DNM1: variants seen among roughly 807,000 people sequenced by gnomAD.
The protein encoded by DNM1 is dynamin-1.
A neutral mutation model predicts 104.6 loss-of-function variants in DNM1; 29 were observed. The ratio of observed to expected loss-of-function variants is 0.28; its 90% confidence interval spans 0.21 to 0.38. The LOEUF is 0.38. Ranked by LOEUF, DNM1 falls within the 10% of genes least tolerant of loss-of-function variation. DNM1 has a pLI of 1.00. For missense variants in DNM1, 640 were observed against 1,189.4 expected (o/e 0.54, Z 6.79); for synonymous variants, 445 against 475.8 (o/e 0.94, Z 0.84).
intron 15 of DNM1, among the ~76,000 whole-genome samples, chr9:128,242,728 C>G (rs1042068217): frequency 2.0e-5 from 3 of 152,130 alleles, no homozygotes; most frequent in Non-Finnish European, 4.4e-5. Context: ...CCATTGCACT[C>G]CAGCCTGGGC....
chr9:128,213,742 G>T (rs78077958), intron 1 of DNM1, among the ~76,000 whole-genome samples: 1 of 152,098 alleles, frequency 6.6e-6, no homozygotes, highest in Non-Finnish European at 1.5e-5. Context: ...TGGTCAGTGC[G>T]GGTGTCCTGA....
At position 128,219,285 on chromosome 9, in the gene DNM1, C is replaced by T. The variant is rs779496005; in HGVS notation, c.589+33C>T. ...CCCACCCGGTGGCCAATGCACAAAA[C>T]CCCAGGCTTGCAGGCTGTCTATTCT... On this transcript the variant is annotated intron_variant, in intron 4 of 21. Coordinates refer to ENST00000372923, the MANE Select transcript of DNM1 (RefSeq NM_004408.4). 3 of 1,581,138 alleles carry T rather than the reference C, an allele frequency of 1.9e-6. No individual in the cohort carries two copies. In the African/African-American group the frequency reaches 4.0e-5, roughly 21 times the overall value.
intron 15 of DNM1, chr9:128,244,727 G>A (rs1836648900): frequency 1.9e-6 from 1 of 532,982 alleles, no homozygotes; most frequent in Non-Finnish European, 3.9e-6. Context: ...GGTGCCGAGG[G>A]TCTAACCCAG....
At chr9:128,228,047 T>G (rs1374023090) in intron 10 of DNM1, among the ~76,000 whole-genome samples, 6 of 151,964 alleles carry the variant, frequency 3.9e-5, no homozygotes, top group Non-Finnish European at 8.8e-5. Flanking sequence ...TTGTTTGTTT[T>G]TGGTTTTTTT....
Position 128,253,904 on chromosome 9 carries a change from C to A in DNM1, c.2535-750C>A. On this transcript the variant is annotated intron_variant, in intron 21 of 21. Coordinates refer to ENST00000372923, the MANE Select transcript of DNM1 (RefSeq NM_004408.4). This position sits in a 1 kb window ranked among gnomAD's most constrained non-coding sequence, Gnocchi z 5.9. ...TGCTCCTAGGGTCACTTGTGCCATTCAGCCAAGGGGACGACCGTGCCTGCT... is the reference window on the plus strand; with the variant it reads ...TGCTCCTAGGGTCACTTGTGCCATTAAGCCAAGGGGACGACCGTGCCTGCT... The A allele has an allele frequency of 8.1e-7, 1 of 1,230,900 alleles. No homozygotes were observed. Among genetic ancestry groups the A allele is most frequent in the Non-Finnish European group, 1.0e-6 (1 of 987,396 alleles). 76.2% of individuals were successfully genotyped at this position (1,230,900 alleles called of 1,614,324 possible). A position where few individuals can be genotyped will look rare whatever the true frequency, so the allele number is the denominator to read the frequency against.
intron 1 of DNM1, among the ~76,000 whole-genome samples, chr9:128,217,066 G>C (rs1013544584): frequency 2.6e-5 from 4 of 152,212 alleles, no homozygotes; most frequent in Admixed American, 6.5e-5. Context: ...ACCCACAAGA[G>C]TCAGCCAAAA....
chr9:128,236,883 G>T (rs556621177), intron 11 of DNM1, among the ~76,000 whole-genome samples: 65 of 152,258 alleles, frequency 4.3e-4, no homozygotes, highest in South Asian at 2.3e-3. Context: ...CCAGTTTAGT[G>T]TGTCACCTTG....
intron 1 of DNM1, among the ~76,000 whole-genome samples, chr9:128,209,949 G>A (rs770844537): frequency 1.3e-5 from 2 of 152,232 alleles, no homozygotes; most frequent in Non-Finnish European, 2.9e-5. Flanking sequence ...ACCCCTAAGT[G>A]TAAGTCTCAG....
rs568661377 is a variant in DNM1 at position 128,224,696 on chromosome 9, C to T, written c.1335+307C>T. On this transcript the variant is annotated intron_variant, in intron 10 of 21. Transcript: ENST00000372923. The surrounding 1 kb of genome is among the most constrained non-coding windows in gnomAD (Gnocchi z 4.3). ...GAATAGGGCTTGAGGGGACCCTGAGCCCCCTCCCTGTCCTCGGAGGTGTCA... is the reference window on the plus strand; with the variant it reads ...GAATAGGGCTTGAGGGGACCCTGAGTCCCCTCCCTGTCCTCGGAGGTGTCA... Among the ~76,000 whole-genome samples the T allele has an allele frequency of 1.3e-5, 2 of 152,060 alleles. No homozygotes were observed. Among genetic ancestry groups the T allele is most frequent in the African/African-American group, 2.4e-5 (1 of 41,472 alleles).
At position 128,245,210 on chromosome 9, in the gene DNM1, G is replaced by A. The variant is rs1836707845; in HGVS notation, c.1672-1184G>A. Among the ~76,000 whole-genome samples the A allele has an allele frequency of 6.6e-6, 1 of 152,052 alleles. No individual in the cohort carries two copies. The highest frequency in any genetic ancestry group is 2.4e-5 in the African/African-American group (1 of 41,388). The stretch of plus-strand genomic sequence containing the variant: ...CCCCCAGCCGCCCTCTGGGGCTCCC[G>A]GCCACCCGCCTGGCATAAAGAGGGC... On this transcript the variant is annotated intron_variant, in intron 15 of 21. Coordinates refer to ENST00000372923, the MANE Select transcript of DNM1 (RefSeq NM_004408.4). This position sits in a 1 kb window ranked among gnomAD's most constrained non-coding sequence, Gnocchi z 5.2.
chr9:128,210,471 C>T (rs1216812954), intron 1 of DNM1, among the ~76,000 whole-genome samples: 1 of 151,936 alleles, frequency 6.6e-6, no homozygotes, highest in African/African-American at 2.4e-5. Context: ...AAGCAATTCT[C>T]CTACCTCAGC....
In DNM1 at chr9:128,253,945, C is replaced by T. The variant is rs769379499; in HGVS notation, c.2535-709C>T. On this transcript the variant is annotated intron_variant, in intron 21 of 21. Coordinates refer to ENST00000372923, the MANE Select transcript of DNM1 (RefSeq NM_004408.4). The surrounding 1 kb of genome is among the most constrained non-coding windows in gnomAD (Gnocchi z 5.9). Reference sequence around the variant, plus strand: ...CGTGCCTGCTGGCCCAGCTGAGCTCCGCCCAGTGAGCCCACCCCCCATTCT... The same window carrying T: ...CGTGCCTGCTGGCCCAGCTGAGCTCTGCCCAGTGAGCCCACCCCCCATTCT... 3.3e-5 allele frequency: 41 copies of T among 1,233,388 alleles called. No homozygotes were observed. Among genetic ancestry groups the T allele is most frequent in the South Asian group, 4.1e-5 (1 of 24,380 alleles). 76.4% of individuals were successfully genotyped at this position (1,233,388 alleles called of 1,614,324 possible). A position where few individuals can be genotyped will look rare whatever the true frequency, so the allele number is the denominator to read the frequency against.
chr9:128,229,244 A>G (rs1835522435), intron 10 of DNM1, among the ~76,000 whole-genome samples: 1 of 149,170 alleles, frequency 6.7e-6, no homozygotes, highest in Admixed American at 6.7e-5. Context: ...TTTTTTTTTT[A>G]ATTAGCCAGG....
chr9:128,215,906 T>G (rs1417628798), intron 1 of DNM1, among the ~76,000 whole-genome samples: 2 of 136,174 alleles, frequency 1.5e-5, no homozygotes, highest in African/African-American at 5.4e-5. Flanking sequence ...CCACCCCAGC[T>G]TCTATGAGAA....
intron 1 of DNM1, among the ~76,000 whole-genome samples, chr9:128,214,642 T>G (rs890964148): frequency 1.3e-5 from 2 of 151,942 alleles, no homozygotes; most frequent in African/African-American, 4.8e-5. Flanking sequence ...AGACAGGGAG[T>G]GTGGCATTTG....
chr9:128,229,600 C>CAAAAAAA (rs56072236), intron 10 of DNM1, among the ~76,000 whole-genome samples: 22 of 66,674 alleles, frequency 3.3e-4, no homozygotes, highest in Admixed American at 4.3e-4. Context: ...AAAACCTTAT[C>CAAAAAAA]AAAAAAAAAA....
At chr9:128,211,332 T>C (rs545768482) in intron 1 of DNM1, among the ~76,000 whole-genome samples, 1 of 152,338 alleles carries the variant, frequency 6.6e-6, no homozygotes, top group Admixed American at 6.5e-5. Flanking sequence ...TGAGGGCTGA[T>C]TACCCAGTCC....
At chr9:128,207,491 G>A (rs1458752473) in intron 1 of DNM1, among the ~76,000 whole-genome samples, 3 of 143,070 alleles carry the variant, frequency 2.1e-5, no homozygotes, top group South Asian at 2.4e-4. Flanking sequence ...CCCCCGCCCC[G>A]CTACACCCCC....
rs1268730297 is a variant in DNM1 at position 128,216,909 on chromosome 9, T to TC, written c.162-1316dup. On this transcript the variant is annotated intron_variant, in intron 1 of 21. Coordinates refer to ENST00000372923, the MANE Select transcript of DNM1 (RefSeq NM_004408.4). The stretch of plus-strand genomic sequence containing the variant: ...AATGGTCCCTCGGGCTTCAACCTGT[T>TC]CCCCCCTTTCCTGGGCCCTGGAGAT... 4.1e-4 allele frequency among the ~76,000 whole-genome samples: 63 copies of TC among 152,160 alleles called. 1 individual carries two copies. The highest frequency in any genetic ancestry group is 1.5e-4 in the Non-Finnish European group (10 of 68,038).
Sources: gnomAD v4.1 joint callset for allele counts (sites outside exome capture counted in the v4.1 genomes callset) on GRCh38, gnomAD v4.1.1 for gene constraint, Gnocchi (gnomAD v3.1) non-coding constraint, MANE v1.5 for transcripts, NCBI Gene and HGNC (gene_info 2026-07-23, HGNC 2026-07-21) for gene names.